Variants in MAPK10 observed in about 807,000 individuals in gnomAD.
MAPK10 encodes mitogen-activated protein kinase 10, also known as JNK3 alpha protein kinase.
Under a neutral mutation model 59.3 loss-of-function variants are expected in MAPK10, and 25 were observed. The observed-to-expected ratio is 0.42, with a 90% confidence interval of 0.31 to 0.59. The LOEUF (loss-of-function observed/expected upper bound fraction) is 0.59, where lower values mean the gene tolerates loss of function less well. Among genes scored for constraint, MAPK10 ranks in the 20% least tolerant of loss-of-function variants. MAPK10 has a pLI of 0.15. For synonymous variants in MAPK10, 190 were observed against 200.5 expected (o/e 0.95, Z 0.44); for missense variants, 351 against 568.9 (o/e 0.62, Z 3.90).
At chr4:86,116,301 G>T (rs538835045) in intron 4 of MAPK10, among the ~76,000 whole-genome samples, 2 of 152,276 alleles carry the variant, frequency 1.3e-5, no homozygotes, top group East Asian at 3.9e-4. Context: ...CAGCCAGTTA[G>T]CATTCTGATC....
upstream of MAPK10, among the ~76,000 whole-genome samples, chr4:86,364,523 G>T (rs1439952914): frequency 6.6e-6 from 1 of 152,160 alleles, no homozygotes; most frequent in Non-Finnish European, 1.5e-5. Context: ...ATATTTTGGT[G>T]TGGATCTTAC....
intron 1 of MAPK10, among the ~76,000 whole-genome samples, chr4:86,442,640 T>G (rs149868298): frequency 6.6e-6 from 1 of 152,226 alleles, no homozygotes; most frequent in Admixed American, 6.5e-5. Flanking sequence ...CATGTATGTA[T>G]CCATAAACAA....
chr4:86,110,136 G>C (rs570034941), intron 4 of MAPK10, among the ~76,000 whole-genome samples: 1 of 152,124 alleles, frequency 6.6e-6, no homozygotes, highest in South Asian at 2.1e-4. Flanking sequence ...ACCTTTGCCA[G>C]ATGGATAGAT....
chr4:86,374,828 T>C (rs541438360), intron 1 of MAPK10, among the ~76,000 whole-genome samples: 3 of 152,200 alleles, frequency 2.0e-5, no homozygotes, highest in African/African-American at 7.2e-5. Flanking sequence ...GAAGGAATAT[T>C]GGTAGTAGTC....
chr4:86,311,063 CACACAT>C (rs1394880549), intron 2 of MAPK10, among the ~76,000 whole-genome samples: 2 of 151,848 alleles, frequency 1.3e-5, no homozygotes, highest in South Asian at 2.1e-4. Flanking sequence ...CACACACACA[CACACAT>C]ACATGCACCC....
Position 86,587,700 on chromosome 4 carries a change from A to C in MAPK10, c.-263+6210T>G, listed in dbSNP as rs1762739887. 2.6e-5 allele frequency among the ~76,000 whole-genome samples: 4 copies of C among 152,260 alleles called. No homozygotes were observed. In the South Asian group the frequency reaches 6.2e-4, roughly 24 times the overall value. On this transcript the variant is annotated intron_variant, in intron 1 of 4. Coordinates refer to the MAPK10 transcript ENST00000502302. Reference sequence around the variant, plus strand: ...TATTTCACATTGAGATGAACACAAGAAGCCAGCTGGGAAAACATTGCTATT... The same window carrying C: ...TATTTCACATTGAGATGAACACAAGCAGCCAGCTGGGAAAACATTGCTATT...
At chr4:86,277,345 A>G (rs1345406077) in intron 2 of MAPK10, 1 of 152,162 alleles carries the variant, frequency 6.6e-6, no homozygotes, top group Non-Finnish European at 1.5e-5. Context: ...GAAAAAGGAA[A>G]TAAGGGTTTA....
At chr4:86,311,586 A>G (rs1433357214) in intron 2 of MAPK10, among the ~76,000 whole-genome samples, 2 of 152,130 alleles carry the variant, frequency 1.3e-5, no homozygotes, top group Non-Finnish European at 2.9e-5. Flanking sequence ...AATAGTCTAC[A>G]TATCTAGTAG....
intron 1 of MAPK10, among the ~76,000 whole-genome samples, chr4:86,469,963 A>G (rs1752529457): frequency 6.6e-6 from 1 of 152,252 alleles, no homozygotes; most frequent in African/African-American, 2.4e-5. Context: ...TATATCAATC[A>G]ATCCAACATA....
intron 11 of MAPK10, among the ~76,000 whole-genome samples, chr4:86,043,390 T>A (rs1480518046): frequency 6.6e-6 from 1 of 152,108 alleles, no homozygotes; most frequent in Non-Finnish European, 1.5e-5. Flanking sequence ...GAGATACCCA[T>A]TTTTTTGGAC....
intron 1 of MAPK10, among the ~76,000 whole-genome samples, chr4:86,478,067 A>G (rs913094708): frequency 2.0e-5 from 3 of 152,178 alleles, no homozygotes; most frequent in African/African-American, 4.8e-5. Context: ...ATTGTGTCCA[A>G]CTGATCTCTC....
intron 12 of MAPK10, among the ~76,000 whole-genome samples, chr4:86,031,083 A>G (rs1412211919): frequency 6.6e-6 from 1 of 152,248 alleles, no homozygotes; most frequent in East Asian, 1.9e-4. Flanking sequence ...GCCCCCCACC[A>G]TGACAAACAC....
intron 1 of MAPK10, among the ~76,000 whole-genome samples, chr4:86,532,726 C>T (rs1011668803): frequency 6.6e-6 from 1 of 152,186 alleles, no homozygotes; most frequent in Non-Finnish European, 1.5e-5. Flanking sequence ...TTTCCCTCCA[C>T]TTTTCTGAAT....
rs1272547240 is a variant in MAPK10, at chr4:86,058,298, C to T, written c.1110+5968G>A. ...AGAATTGTGAATAAGGAAAGAATGACCTGGTAAGTGCCAGCCCTGGACACA... is the reference window on the plus strand; with the variant it reads ...AGAATTGTGAATAAGGAAAGAATGATCTGGTAAGTGCCAGCCCTGGACACA... On this transcript the variant is annotated intron_variant, in intron 11 of 13. Coordinates refer to ENST00000641462, the MANE Select transcript of MAPK10 (RefSeq NM_138982.4). Among the ~76,000 whole-genome samples, 2 of 149,568 alleles carry T rather than the reference C, an allele frequency of 1.3e-5. 1 individual carries two copies. Among genetic ancestry groups the T allele is most frequent in the African/African-American group, 5.0e-5 (2 of 39,798 alleles).
At chr4:86,576,572 A>C (rs1278161302) in intron 1 of MAPK10, among the ~76,000 whole-genome samples, 1 of 151,742 alleles carries the variant, frequency 6.6e-6, no homozygotes, top group Non-Finnish European at 1.5e-5. Flanking sequence ...CAGGAGATCA[A>C]GACCAGCCTG....
At chr4:86,046,059 T>A (rs1024118436) in intron 11 of MAPK10, among the ~76,000 whole-genome samples, 13 of 150,666 alleles carry the variant, frequency 8.6e-5, no homozygotes, top group Non-Finnish European at 1.3e-4. Flanking sequence ...TTACAAGGGA[T>A]GTGAAGGACC....
chr4:86,343,053 G>C (rs1725975271), intron 2 of MAPK10, among the ~76,000 whole-genome samples: 1 of 152,098 alleles, frequency 6.6e-6, no homozygotes, highest in African/African-American at 2.4e-5. Context: ...TGTCCCCTAT[G>C]CATAAGCCAC....
chr4:86,179,973 C>CAACA (rs1554068379), intron 3 of MAPK10, among the ~76,000 whole-genome samples: 5 of 149,234 alleles, frequency 3.4e-5, no homozygotes, highest in Admixed American at 6.7e-5. Context: ...GGCAACAAAA[C>CAACA]AAAAAAAAAT....
At chr4:86,135,795 T>G (rs1288436130) in intron 4 of MAPK10, among the ~76,000 whole-genome samples, 1 of 152,026 alleles carries the variant, frequency 6.6e-6, no homozygotes, top group African/African-American at 2.4e-5. Context: ...GAAAAAAATT[T>G]AGAAGAATGT....
Sources: allele counts gnomAD v4.1 joint callset (sites outside exome capture counted in the v4.1 genomes callset), GRCh38; gene constraint gnomAD v4.1.1; transcripts MANE v1.5; gene names NCBI Gene and HGNC (gene_info 2026-07-23, HGNC 2026-07-21).